CCDC57: variants seen among roughly 807,000 people sequenced by gnomAD.
The protein encoded by CCDC57 is coiled-coil domain-containing protein 57.
In CCDC57, 118 loss-of-function variants were observed where a neutral mutation model predicts 118.9. That is an observed-to-expected ratio of 0.99 (90% confidence interval 0.86 to 1.16). The LOEUF is 1.16. CCDC57 is among the 50% of genes most tolerant of loss of function. The pLI is 0.00. For synonymous variants in CCDC57, 527 were observed against 532.9 expected (o/e 0.99, Z 0.15); for missense variants, 1,300 against 1,320.7 (o/e 0.98, Z 0.24).
At chr17:82,148,364 G>C (rs2041220173) in intron 16 of CCDC57, among the ~76,000 whole-genome samples, 1 of 532 alleles carries the variant, frequency 1.9e-3, no homozygotes, top group Non-Finnish European at 3.7e-3. Flanking sequence ...TGGATGGATG[G>C]GTGGATGGGT....
intron 19 of CCDC57, among the ~76,000 whole-genome samples, chr17:82,116,445 A>G (rs1394862625): frequency 2.6e-5 from 4 of 151,994 alleles, no homozygotes; most frequent in African/African-American, 9.7e-5. Flanking sequence ...GAGGCTCTAC[A>G]TGGCGGCCCT....
intron 16 of CCDC57, among the ~76,000 whole-genome samples, chr17:82,150,018 C>A (rs2041673281): frequency 7.1e-6 from 1 of 141,802 alleles, no homozygotes; most frequent in African/African-American, 2.6e-5. Context: ...GGCGCACACC[C>A]AGAACCTGGC....
At position 82,133,599 on chromosome 17, in the gene CCDC57, G is replaced by T. The variant is rs183297186; in HGVS notation, c.2577+474C>A. ...ATGGGGGCTGGGCGCGGTGGTTCATGCCTGTAATCCCAGCACTTTGGGAGG... is the reference window on the plus strand; with the variant it reads ...ATGGGGGCTGGGCGCGGTGGTTCATTCCTGTAATCCCAGCACTTTGGGAGG... On this transcript the variant is annotated intron_variant, in intron 17 of 19. Coordinates refer to ENST00000665763, the Ensembl canonical transcript of CCDC57. Among the ~76,000 whole-genome samples the T allele has an allele frequency of 5.4e-3, 826 of 151,990 alleles. 9 individuals carry two copies. The highest frequency in any genetic ancestry group is 4.9e-3 in the Non-Finnish European group (332 of 67,968).
At chr17:82,160,328 A>G (rs1400190865) in intron 14 of CCDC57, 1 of 47,518 alleles carries the variant, frequency 2.1e-5, no homozygotes, top group Non-Finnish European at 4.2e-5. Context: ...GAAAGTGAAA[A>G]GACAGGCCAG....
At position 82,101,799 on chromosome 17, in the gene CCDC57, C is replaced by T. The variant is rs762478256; in HGVS notation, c.2967G>A (p.Gly989=). 15 of 1,604,368 alleles carry T rather than the reference C, an allele frequency of 9.3e-6. No homozygotes were observed. In the African/African-American group the frequency reaches 1.7e-4, roughly 19 times the overall value. ...CCTTTGCCTGGGCTGCTGTCTTCAT[C>T]CCTGGGGTGGCAATGCCTGCCTGCA... Residue 989 remains glycine (G), a synonymous_variant, in exon 20 of 20, where the codon GGG becomes GGA. Transcript: ENST00000665763.
rs1010533620 is a variant in CCDC57, at chr17:82,104,579, C to T, written c.2900-2713G>A. Among the ~76,000 whole-genome samples, 3 of 152,202 alleles carry T rather than the reference C, an allele frequency of 2.0e-5. 1 individual carries two copies. Among genetic ancestry groups the T allele is most frequent in the African/African-American group, 7.2e-5 (3 of 41,436 alleles). ...TTTGAGACGGAGTCTCACTCTGTCG[C>T]CCAGGCTGGAGTGCAGTGGCGTGAT... On this transcript the variant is annotated intron_variant, in intron 19 of 19. Transcript: ENST00000665763.
chr17:82,122,623 T>G (rs2036877006), intron 19 of CCDC57, among the ~76,000 whole-genome samples: 1 of 151,754 alleles, frequency 6.6e-6, no homozygotes, highest in African/African-American at 2.4e-5. Context: ...AGGAGCCTCC[T>G]GTCTCCCGCC....
At position 82,192,486 on chromosome 17, in the gene CCDC57, A is replaced by G. The variant is rs1472962416; in HGVS notation, c.851+1270T>C. On this transcript the variant is annotated intron_variant, in intron 7 of 19. Coordinates refer to ENST00000665763, the Ensembl canonical transcript of CCDC57. The surrounding 1 kb of genome is among the most constrained non-coding windows in gnomAD (Gnocchi z 4.0). ...CCCTCACTGTTTAAGCATCAACTGT[A>G]TTTCAATTTATGATTTTGAAAAATG... Among the ~76,000 whole-genome samples, 2 of 152,208 alleles carry G rather than the reference A, an allele frequency of 1.3e-5. No individual in the cohort carries two copies. The highest frequency in any genetic ancestry group is 4.8e-5 in the African/African-American group (2 of 41,454).
chr17:82,130,499 CTTTTT>C (rs35413191), intron 17 of CCDC57, among the ~76,000 whole-genome samples: 5 of 88,940 alleles, frequency 5.6e-5, no homozygotes, highest in Non-Finnish European at 1.0e-4. Context: ...CCAGACAAAA[CTTTTT>C]TTTTTTTTTT....
At chr17:82,208,487 C>A (rs1167246118) in intron 1 of CCDC57, among the ~76,000 whole-genome samples, 1 of 151,782 alleles carries the variant, frequency 6.6e-6, no homozygotes, top group Non-Finnish European at 1.5e-5. Context: ...GAACTCCTGA[C>A]CTCGTGATTC....
In CCDC57 at chr17:82,171,871, A is replaced by C. The variant is rs1275339660; in HGVS notation, c.1730-18T>G. 4.4e-6 allele frequency: 7 copies of C among 1,608,950 alleles called. No individual in the cohort carries two copies. Among genetic ancestry groups the C allele is most frequent in the Non-Finnish European group, 5.1e-6 (6 of 1,175,952 alleles). On this transcript the variant is annotated intron_variant, in intron 12 of 19. Coordinates refer to ENST00000665763, the Ensembl canonical transcript of CCDC57. ...AACATAATCTGCCAAAAAAACCTCC[A>C]GTGAATATAACACATACACAGCATC...
exon 16 of CCDC57, chr17:82,151,673 C>A (rs1482063025): frequency 6.5e-7 from 1 of 1,550,254 alleles, no homozygotes; most frequent in Admixed American, 2.0e-5. Flanking sequence ...TCTCTGGAGT[C>A]GGTGCATAGA....
intron 8 of CCDC57, among the ~76,000 whole-genome samples, chr17:82,184,724 C>T (rs2046720701): frequency 1.3e-5 from 2 of 152,210 alleles, no homozygotes; most frequent in Admixed American, 6.5e-5. Flanking sequence ...CAGAGGCCAC[C>T]CCTTGTCACG....
chr17:82,167,353 C>CT lies in CCDC57; in HGVS notation c.1883-3997dup, dbSNP rs922771936. Among the ~76,000 whole-genome samples, 1,012 of 140,486 alleles carry CT rather than the reference C, an allele frequency of 7.2e-3. 2 individuals are homozygous for CT. The highest frequency in any genetic ancestry group is 0.01 in the Non-Finnish European group (660 of 64,522). 92.2% of individuals were successfully genotyped at this position (140,486 alleles called of 152,430 possible). ...TTTCTGAAAACTAAAGACAAAAATT[C>CT]TTTTTTTTTTTTTTGAGATGGATTT... is the stretch of plus-strand genomic sequence containing the variant. On this transcript the variant is annotated intron_variant, in intron 13 of 19. Transcript: ENST00000665763.
rs571201301 is a variant in CCDC57, at chr17:82,172,953, C to T, written c.1507-93G>A. ...GCCTCCGCTCTCCCCGCGCCCCTCT[C>T]GGGCCGGTCCCCCGCTTCAGCTTGG... On this transcript the variant is annotated intron_variant, in intron 11 of 19. Transcript: ENST00000665763. This position sits in a 1 kb window ranked among gnomAD's most constrained non-coding sequence, Gnocchi z 5.2. 194 of 1,139,816 alleles carry T rather than the reference C, an allele frequency of 1.7e-4. No homozygotes were observed. The African/African-American group carries it at 2.0e-3, about 12-fold the overall frequency. 70.6% of individuals were successfully genotyped at this position (1,139,816 alleles called of 1,614,324 possible).
chr17:82,198,521 C>T (rs2048570278), intron 3 of CCDC57, 99 bp from the exon 3 acceptor site: 4 of 836,602 alleles, frequency 4.8e-6, no homozygotes, highest in Non-Finnish European at 5.7e-6. Flanking sequence ...TGGTGCTTTG[C>T]TTTTATGAAG....
intron 15 of CCDC57, 21 bp downstream of exon 14, chr17:82,157,727 G>A: frequency 1.3e-6 from 2 of 1,558,030 alleles, no homozygotes; most frequent in Non-Finnish European, 8.7e-7. Context: ...CGGGTGGCAG[G>A]AGGAGCTAGC....
At chr17:82,164,737 T>C (rs572371537) in intron 13 of CCDC57, among the ~76,000 whole-genome samples, 47 of 151,982 alleles carry the variant, frequency 3.1e-4, no homozygotes, top group Admixed American at 3.0e-3. Flanking sequence ...AAAAAGAAAA[T>C]CCAAATGTCC....
chr17:82,135,829 TGG>T lies in CCDC57; in HGVS notation c.2456-1637_2456-1636del, dbSNP rs11309419. Among the ~76,000 whole-genome samples the T allele has an allele frequency of 1.2e-3, 183 of 152,192 alleles. 2 individuals are homozygous for T. The highest frequency in any genetic ancestry group is 4.0e-3 in the African/African-American group (168 of 41,482). On this transcript the variant is annotated intron_variant, in intron 16 of 19. Coordinates refer to ENST00000665763, the Ensembl canonical transcript of CCDC57. ...AACCCCAGCACACTGGGAGGCCGGG[TGG>T]GGGGGATCCTTGATGTCAGGTGTTG...
Sources: gnomAD v4.1 joint callset for allele counts (sites outside exome capture counted in the v4.1 genomes callset) on GRCh38, gnomAD v4.1.1 for gene constraint, Gnocchi (gnomAD v3.1) non-coding constraint, MANE v1.5 for transcripts, NCBI Gene and HGNC (gene_info 2026-07-23, HGNC 2026-07-21) for gene names.